The following GSPT1 variants were observed in gnomAD, a reference collection of about 807,000 sequenced individuals.
The protein encoded by GSPT1 is eukaryotic peptide chain release factor GTP-binding subunit ERF3A.
In GSPT1, 20 loss-of-function variants were observed where a neutral mutation model predicts 72.5. The observed-to-expected ratio is 0.28, with a 90% CI of 0.19 to 0.40. GSPT1 has a LOEUF of 0.40. Among genes scored for constraint, GSPT1 ranks in the 10% least tolerant of loss-of-function variants. GSPT1 has a pLI of 1.00. For missense variants in GSPT1, 580 were observed against 811.9 expected, an observed-to-expected ratio of 0.71 and a Z score of 3.47; for synonymous variants, 334 against 293.5, an observed-to-expected ratio of 1.14 and a Z score of -1.41.
At chr16:11,911,939 C>T (rs1178790532) in intron 1 of GSPT1, among the ~76,000 whole-genome samples, 1 of 138,684 alleles carries the variant, frequency 7.2e-6, no homozygotes, top group Non-Finnish European at 1.5e-5. Flanking sequence ...GCAATCCTCT[C>T]ACCTCAGCCT....
chr16:11,875,039 A>T (rs1481558568), intron 14 of GSPT1, among the ~76,000 whole-genome samples: 1 of 152,046 alleles, frequency 6.6e-6, no homozygotes, highest in Non-Finnish European at 1.5e-5. Flanking sequence ...AAATACAAAA[A>T]ATTAGCCAGG....
chr16:11,889,876 G>A (rs2054236022), intron 6 of GSPT1, among the ~76,000 whole-genome samples: 1 of 151,812 alleles, frequency 6.6e-6, no homozygotes. Flanking sequence ...CTGACCTCAG[G>A]TGTGATCTGC....
chr16:11,912,768 C>G (rs2054576762), intron 1 of GSPT1, among the ~76,000 whole-genome samples: 1 of 152,178 alleles, frequency 6.6e-6, no homozygotes, highest in African/African-American at 2.4e-5. Context: ...TATTTTTATT[C>G]ACTTGGGGAC....
chr16:11,892,514 C>CA (rs1555504691), intron 5 of GSPT1, among the ~76,000 whole-genome samples: 1 of 122,510 alleles, frequency 8.2e-6, no homozygotes, highest in East Asian at 2.7e-4. Context: ...CTCAAAAAAA[C>CA]AAAAAAAACA....
intron 12 of GSPT1, among the ~76,000 whole-genome samples, chr16:11,876,507 G>A (rs1410485980): frequency 6.6e-6 from 1 of 152,112 alleles, no homozygotes; most frequent in Non-Finnish European, 1.5e-5. Context: ...AGGCGGCAGG[G>A]GGGCCGGGGG....
At chr16:11,878,324 C>A (rs33654) in intron 11 of GSPT1, among the ~76,000 whole-genome samples, 47,376 of 151,910 alleles carry the variant, frequency 0.31, 7,871 homozygotes, top group East Asian at 0.59. Context: ...ACCATGTTGG[C>A]CAGGCTGGTC....
chr16:11,880,325 G>C (rs931710184), intron 11 of GSPT1: 6 of 151,956 alleles, frequency 3.9e-5, no homozygotes, highest in African/African-American at 1.5e-4. Context: ...GACTCTTTTG[G>C]GTATATACTC....
intron 1 of GSPT1, among the ~76,000 whole-genome samples, chr16:11,910,578 A>T (rs1187554874): frequency 6.6e-6 from 1 of 152,202 alleles, no homozygotes; most frequent in Non-Finnish European, 1.5e-5. Context: ...AGGTTATCAA[A>T]TCTCTTTTTC....
intron 4 of GSPT1, among the ~76,000 whole-genome samples, chr16:11,895,986 TG>T (rs2054333528): frequency 6.6e-6 from 1 of 152,208 alleles, no homozygotes; most frequent in Admixed American, 6.5e-5. Flanking sequence ...GTTTCATATC[TG>T]GGGGGAAGGC....
At chr16:11,910,692 T>G (rs1469751079) in intron 1 of GSPT1, among the ~76,000 whole-genome samples, 1 of 152,350 alleles carries the variant, frequency 6.6e-6, no homozygotes, top group South Asian at 2.1e-4. Context: ...CTTTGTCGTC[T>G]ACATTACTTC....
chr16:11,904,524 G>C (rs928620356), intron 1 of GSPT1, among the ~76,000 whole-genome samples: 3 of 151,990 alleles, frequency 2.0e-5, no homozygotes, highest in Non-Finnish European at 4.4e-5. Flanking sequence ...TGTGGATTTT[G>C]CTTCAATTTT....
chr16:11,900,107 G>T (rs1159039240), intron 1 of GSPT1, among the ~76,000 whole-genome samples: 1 of 152,198 alleles, frequency 6.6e-6, no homozygotes, highest in Non-Finnish European at 1.5e-5. Flanking sequence ...GCGGAAGCGG[G>T]GGGATCATTT....
chr16:11,890,891 T>A (rs1206855732), intron 6 of GSPT1, 171 bp downstream of exon 6: 2 of 457,008 alleles, frequency 4.4e-6, no homozygotes, highest in Non-Finnish European at 7.8e-6. Context: ...CTGTGTAAGT[T>A]ATTAAAGCAT....
rs775557071 is a variant in GSPT1, at chr16:11,915,902, C to T, written c.-182G>A. ...TCCAGTCCCGACTCCACACTCGCGA[C>T]GACGACAGAGGCGGCGGCGGCGGCA... On this transcript the variant is annotated 5_prime_UTR_variant, in exon 1 of 15. Coordinates refer to ENST00000434724, the MANE Select transcript of GSPT1 (RefSeq NM_002094.4). 2.3e-6 allele frequency: 2 copies of T among 888,596 alleles called. No homozygotes were observed. The highest frequency in any genetic ancestry group is 2.6e-5 in the South Asian group (2 of 76,280). 55.0% of individuals were successfully genotyped at this position (888,596 alleles called of 1,614,324 possible). A position where few individuals can be genotyped will look rare whatever the true frequency, so the allele number is the denominator to read the frequency against.
intron 1 of GSPT1, 124 bp downstream of exon 1, chr16:11,915,245 C>A: frequency 8.6e-7 from 1 of 1,166,556 alleles, no homozygotes; most frequent in East Asian, 3.9e-5. Context: ...CCCAGGCAGA[C>A]GGCGCCACTG....
intron 14 of GSPT1, among the ~76,000 whole-genome samples, chr16:11,874,454 C>CTTTTTTTTTTT (rs200991035): frequency 2.1e-5 from 2 of 95,892 alleles, no homozygotes; most frequent in Admixed American, 1.5e-4. Context: ...GCCAAGTTAG[C>CTTTTTTTTTTT]TTTTTTTTTT....
intron 1 of GSPT1, among the ~76,000 whole-genome samples, chr16:11,910,932 C>G (rs772344553): frequency 6.6e-6 from 1 of 152,184 alleles, no homozygotes; most frequent in South Asian, 2.1e-4. Flanking sequence ...AATCCTCAGT[C>G]TCAAGCCATT....
rs1202769865 is a variant in GSPT1, at chr16:11,871,797, C to T, written c.*1322G>A. ...ATAAACCCACAAATTGCCTCCATTC[C>T]TCATTTATTCTCATGAAAAATTTCA... On this transcript the variant is annotated 3_prime_UTR_variant, in exon 15 of 15. Coordinates refer to ENST00000434724, the MANE Select transcript of GSPT1 (RefSeq NM_002094.4). 1 of 152,090 alleles carries T rather than the reference C, an allele frequency of 6.6e-6. No individual in the cohort carries two copies. Among genetic ancestry groups the T allele is most frequent in the Non-Finnish European group, 1.5e-5 (1 of 68,018 alleles). 9.4% of individuals were successfully genotyped at this position (152,090 alleles called of 1,614,324 possible). A position where few individuals can be genotyped will look rare whatever the true frequency, so the allele number is the denominator to read the frequency against.
At chr16:11,914,269 C>T (rs888545110) in intron 1 of GSPT1, among the ~76,000 whole-genome samples, 2 of 152,118 alleles carry the variant, frequency 1.3e-5, no homozygotes, top group African/African-American at 2.4e-5. Context: ...TTGACATTCC[C>T]ACAAAATCAG....
Sources: allele counts gnomAD v4.1 joint callset (sites outside exome capture counted in the v4.1 genomes callset), GRCh38; gene constraint gnomAD v4.1.1; transcripts MANE v1.5; gene names NCBI Gene and HGNC (gene_info 2026-07-23, HGNC 2026-07-21).